The following RBPJ variants were observed in gnomAD, a reference collection of about 807,000 sequenced individuals.
RBPJ encodes recombining binding protein suppressor of hairless.
Under a neutral mutation model 67.8 loss-of-function variants are expected in RBPJ, and 9 were observed. The ratio of observed to expected loss-of-function variants is 0.13; its 90% CI spans 0.08 to 0.23. The LOEUF (loss-of-function observed/expected upper bound fraction) is 0.23. Among genes scored for constraint, RBPJ ranks in the 10% least tolerant of loss-of-function variants. The probability of loss-of-function intolerance (pLI) is 1.00; values close to 1 mark genes in which losing one functional copy is unlikely to be tolerated. For missense variants in RBPJ, 305 were observed against 595.6 expected (o/e 0.51, Z 5.08); for synonymous variants, 198 against 203.3 (o/e 0.97, Z 0.22).
intron 1 of RBPJ, among the ~76,000 whole-genome samples, chr4:26,369,881 C>G (rs1728986809): frequency 6.6e-6 from 1 of 152,202 alleles, no homozygotes. Context: ...CCCTTTCTCT[C>G]TCTTCTCCTC....
At chr4:26,197,872 C>G (rs1717830468) in intron 1 of RBPJ, among the ~76,000 whole-genome samples, 1 of 152,110 alleles carries the variant, frequency 6.6e-6, no homozygotes, top group South Asian at 2.1e-4. Flanking sequence ...GGAGAGTTAA[C>G]ATTTATTTAT....
At chr4:26,160,007 T>C (rs906341068), upstream of RBPJ, among the ~76,000 whole-genome samples, 1 of 151,894 alleles carries the variant, frequency 6.6e-6, no homozygotes, top group African/African-American at 2.4e-5. Context: ...CAAACTCCGC[T>C]TCCCGAGTTC....
intron 1 of RBPJ, among the ~76,000 whole-genome samples, chr4:26,334,328 C>T (rs982583359): frequency 6.6e-6 from 1 of 151,950 alleles, no homozygotes. Flanking sequence ...AGGAATGAGT[C>T]ACCATGCCTG....
chr4:26,159,979 C>T (rs141209405), upstream of RBPJ, among the ~76,000 whole-genome samples: 1,912 of 151,454 alleles, frequency 0.013, 14 homozygotes, highest in Non-Finnish European at 0.019. Flanking sequence ...GGTGCAGTGG[C>T]GCGATCTTGG....
chr4:26,187,651 A>G (rs1190735044), intron 1 of RBPJ, among the ~76,000 whole-genome samples: 3 of 152,212 alleles, frequency 2.0e-5, no homozygotes, highest in Non-Finnish European at 4.4e-5. Context: ...TACTGGAAAG[A>G]GAGGAGGTTT....
chr4:26,403,625 A>C (rs1376497251), intron 2 of RBPJ, among the ~76,000 whole-genome samples: 1 of 152,206 alleles, frequency 6.6e-6, no homozygotes, highest in Non-Finnish European at 1.5e-5. Context: ...TGTAAGTGAG[A>C]ACATGCGATA....
chr4:26,120,716 T>A, the RBPJ span, among the ~76,000 whole-genome samples: 2 of 33,676 alleles, frequency 5.9e-5, no homozygotes, highest in East Asian at 0.011. Flanking sequence ...TTTCTCAACT[T>A]TTTTTTTTTT....
intron 1 of RBPJ, among the ~76,000 whole-genome samples, chr4:26,243,100 G>A (rs980853441): frequency 4.6e-5 from 7 of 152,022 alleles, no homozygotes; most frequent in Admixed American, 2.0e-4. Context: ...GGTGGCCGGC[G>A]CCTGTAATCC....
At chr4:26,362,956 C>G (rs1273375939) in intron 1 of RBPJ, among the ~76,000 whole-genome samples, 1 of 152,102 alleles carries the variant, frequency 6.6e-6, no homozygotes, top group African/African-American at 2.4e-5. Context: ...TCTTTTACAT[C>G]ATAGACTAGT....
intron 3 of RBPJ, among the ~76,000 whole-genome samples, chr4:26,409,307 C>T (rs565872906): frequency 1.3e-5 from 2 of 152,086 alleles, no homozygotes; most frequent in African/African-American, 4.8e-5. Flanking sequence ...TGGCTCATGC[C>T]TGTAATCCCA....
At chr4:26,139,020 G>T in the RBPJ span, among the ~76,000 whole-genome samples, 1 of 152,206 alleles carries the variant, frequency 6.6e-6, no homozygotes, top group East Asian at 1.9e-4. Flanking sequence ...CCAAAGGGCT[G>T]GGCCAGCTCA....
chr4:26,154,926 C>G, the RBPJ span, among the ~76,000 whole-genome samples: 4 of 152,162 alleles, frequency 2.6e-5, no homozygotes, highest in Admixed American at 6.5e-5. Context: ...TGTAATACCC[C>G]CCACCAGGCT....
chr4:26,342,870 A>G (rs931586255), intron 1 of RBPJ, among the ~76,000 whole-genome samples: 2 of 152,208 alleles, frequency 1.3e-5, no homozygotes, highest in African/African-American at 4.8e-5. Context: ...TATATAAATG[A>G]CAGGTATTGC....
In RBPJ at chr4:26,296,796, T is replaced by C. The variant is rs977705638; in HGVS notation, c.-166-65650T>C. ...TTCTGTATTCTGTTAATAAGCAACA[T>C]CCATTTAAAATAGCAATTGCGCTTT... On this transcript the variant is annotated intron_variant, in intron 1 of 4. Transcript: ENST00000512351. Among the ~76,000 whole-genome samples, 3 of 152,176 alleles carry C rather than the reference T, an allele frequency of 2.0e-5. No homozygotes were observed. In the East Asian group the frequency reaches 5.8e-4, roughly 29 times the overall value.
chr4:26,360,040 T>C (rs1414830859), intron 1 of RBPJ, among the ~76,000 whole-genome samples: 2 of 152,240 alleles, frequency 1.3e-5, no homozygotes, highest in Non-Finnish European at 2.9e-5. Context: ...ATTTTTCTGC[T>C]TTCAGAGCCT....
At chr4:26,124,757 C>T in the RBPJ span, among the ~76,000 whole-genome samples, 5 of 151,920 alleles carry the variant, frequency 3.3e-5, no homozygotes, top group African/African-American at 1.2e-4. Context: ...TTTTTATATG[C>T]CTGGCAGCAT....
chr4:26,220,872 G>A (rs1457773633), intron 1 of RBPJ, among the ~76,000 whole-genome samples: 4 of 152,196 alleles, frequency 2.6e-5, no homozygotes, highest in Non-Finnish European at 5.9e-5. Flanking sequence ...TCACTGCACC[G>A]CAGTGGTGAG....
rs150544919 is a variant in RBPJ at position 26,421,317 on chromosome 4, T to C, written c.496+592T>C. Among the ~76,000 whole-genome samples the C allele has an allele frequency of 5.9e-3, 903 of 152,222 alleles. 12 individuals carry two copies. Among genetic ancestry groups the C allele is most frequent in the African/African-American group, 0.021 (864 of 41,516 alleles). The stretch of plus-strand genomic sequence containing the variant: ...TTATTATGGAGACTTTTCTTTTTTT[T>C]TTTGAGATGGACTCTTACTCTGTCG... On this transcript the variant is annotated intron_variant, in intron 5 of 10. Coordinates refer to ENST00000355476, the MANE Select transcript of RBPJ (RefSeq NM_015874.6).
At chr4:26,309,716 G>A (rs1307922322) in intron 1 of RBPJ, among the ~76,000 whole-genome samples, 4 of 152,102 alleles carry the variant, frequency 2.6e-5, no homozygotes, top group African/African-American at 9.7e-5. Flanking sequence ...TGACAAACGG[G>A]CAAAGTTTAG....
Sources: gnomAD v4.1 joint callset for allele counts (sites outside exome capture counted in the v4.1 genomes callset) on GRCh38, gnomAD v4.1.1 for gene constraint, MANE v1.5 for transcripts, NCBI Gene and HGNC (gene_info 2026-07-23, HGNC 2026-07-21) for gene names.